Variants in SP3 observed in about 807,000 individuals in gnomAD.
SP3 encodes the protein transcription factor Sp3.
A neutral mutation model predicts 70.3 loss-of-function variants in SP3; 10 were observed. The observed-to-expected ratio is 0.14, with a 90% confidence interval of 0.09 to 0.24. The LOEUF (loss-of-function observed/expected upper bound fraction) is 0.24. SP3 is among the 10% of genes least tolerant of loss of function. The probability of loss-of-function intolerance (pLI) is 1.00; values close to 1 mark genes in which losing one functional copy is unlikely to be tolerated. For missense variants in SP3, 825 were observed against 914.6 expected, an observed-to-expected ratio of 0.90 and a Z score of 1.26; for synonymous variants, 402 against 333.5, an observed-to-expected ratio of 1.21 and a Z score of -2.24.
At position 173,901,826 on chromosome 2, in the gene SP3, C is replaced by A. The variant is rs571398161; in HGVS notation, c.*8115G>T. ...AAGCGATTCTCGTGCCTCAGCCTCC[C>A]GAGTAGCTGGGATTGCAGGCATGCG... On this transcript the variant is annotated 3_prime_UTR_variant, in exon 7 of 7. Transcript: ENST00000310015. Among the ~76,000 whole-genome samples, 28 of 151,840 alleles carry A rather than the reference C, an allele frequency of 1.8e-4. No homozygotes were observed. The South Asian group carries it at 5.8e-3, about 31-fold the overall frequency.
At position 173,942,420 on chromosome 2, in the gene SP3, G is replaced by C. The variant is rs542081325; in HGVS notation, c.1639+12453C>G. Among the ~76,000 whole-genome samples, 65 of 152,272 alleles carry C rather than the reference G, an allele frequency of 4.3e-4. No homozygotes were observed. In the South Asian group the frequency reaches 0.013, roughly 32 times the overall value. On this transcript the variant is annotated intron_variant, in intron 4 of 6. Transcript: ENST00000310015. ...ATCTCTATGAAAAATACAAAAATTA[G>C]CCGAGCGTGGTGGCGCATGCCTGTA...
chr2:173,931,702 T>C (rs1265725125), intron 4 of SP3, among the ~76,000 whole-genome samples: 1 of 152,220 alleles, frequency 6.6e-6, no homozygotes, highest in Non-Finnish European at 1.5e-5. Flanking sequence ...GGATAACTTC[T>C]TGCAGCTTCT....
chr2:173,934,578 C>A (rs1433336121), intron 4 of SP3, among the ~76,000 whole-genome samples: 1 of 152,042 alleles, frequency 6.6e-6, no homozygotes, highest in Non-Finnish European at 1.5e-5. Context: ...TTTATTAACA[C>A]TGTAACAAAA....
intron 4 of SP3, among the ~76,000 whole-genome samples, chr2:173,921,454 C>T (rs187412925): frequency 7.1e-4 from 108 of 152,150 alleles, no homozygotes; most frequent in African/African-American, 2.4e-3. Flanking sequence ...TTTGGGAGAC[C>T]GAAGCGGGAG....
intron 6 of SP3, among the ~76,000 whole-genome samples, chr2:173,911,454 G>T (rs1180071818): frequency 6.6e-6 from 1 of 152,102 alleles, no homozygotes; most frequent in Non-Finnish European, 1.5e-5. Flanking sequence ...CATTAGTCCT[G>T]AGAGGTACTC....
intron 4 of SP3, among the ~76,000 whole-genome samples, chr2:173,933,343 T>C (rs1690119505): frequency 6.6e-6 from 1 of 152,076 alleles, no homozygotes; most frequent in African/African-American, 2.4e-5. Flanking sequence ...TTCGAGTGCT[T>C]AATAGCATCA....
intron 4 of SP3, among the ~76,000 whole-genome samples, chr2:173,926,855 G>T (rs1380178993): frequency 6.6e-6 from 1 of 152,092 alleles, no homozygotes; most frequent in Non-Finnish European, 1.5e-5. Context: ...ATGCTTTTTA[G>T]ATAGTATTGT....
rs546083074 is a variant in SP3 at position 173,937,275 on chromosome 2, A to T, written c.1639+17598T>A. Reference sequence around the variant, plus strand: ...TTATCTGACTTTCCCCTTCATATGCAAGAAAAACCAAGAACACTTCCACTG... The same window carrying T: ...TTATCTGACTTTCCCCTTCATATGCTAGAAAAACCAAGAACACTTCCACTG... On this transcript the variant is annotated intron_variant, in intron 4 of 6. Transcript: ENST00000310015. 2.0e-5 allele frequency among the ~76,000 whole-genome samples: 3 copies of T among 152,324 alleles called. No homozygotes were observed. The South Asian group carries it at 6.2e-4, about 32-fold the overall frequency.
At chr2:173,933,810 T>C (rs1024835491) in intron 4 of SP3, among the ~76,000 whole-genome samples, 14 of 152,060 alleles carry the variant, frequency 9.2e-5, no homozygotes, top group African/African-American at 2.4e-4. Flanking sequence ...GGTAGAGCTA[T>C]ACTACTTGAA....
At chr2:173,942,491 AGGAGGT>A (rs1264839462) in intron 4 of SP3, among the ~76,000 whole-genome samples, 1 of 152,144 alleles carries the variant, frequency 6.6e-6, no homozygotes, top group African/African-American at 2.4e-5. Flanking sequence ...GCTTGAACCC[AGGAGGT>A]GGAAGTTACA....
chr2:173,940,082 G>A (rs1351225859), intron 4 of SP3, among the ~76,000 whole-genome samples: 1 of 151,932 alleles, frequency 6.6e-6, no homozygotes, highest in Non-Finnish European at 1.5e-5. Flanking sequence ...TTGCTTGGTT[G>A]CCCAGACTGG....
At chr2:173,938,053 A>G (rs1690258071) in intron 4 of SP3, among the ~76,000 whole-genome samples, 2 of 152,178 alleles carry the variant, frequency 1.3e-5, no homozygotes, top group Admixed American at 1.3e-4. Flanking sequence ...TGCTTCTCTT[A>G]GTTTCTTCCC....
intron 4 of SP3, among the ~76,000 whole-genome samples, chr2:173,945,269 T>G (rs566988523): frequency 6.6e-6 from 1 of 152,206 alleles, no homozygotes; most frequent in Non-Finnish European, 1.5e-5. Flanking sequence ...TAAGAAAGTA[T>G]AATTTAAAAT....
At chr2:173,928,353 C>G (rs575857424) in intron 4 of SP3, among the ~76,000 whole-genome samples, 1 of 152,280 alleles carries the variant, frequency 6.6e-6, no homozygotes, top group East Asian at 1.9e-4. Context: ...GTTTTATACA[C>G]TGGAGTTCTG....
intron 4 of SP3, among the ~76,000 whole-genome samples, chr2:173,942,118 C>T (rs1435784025): frequency 6.6e-6 from 1 of 152,316 alleles, no homozygotes; most frequent in East Asian, 1.9e-4. Flanking sequence ...AATTCTTAAA[C>T]CAGCTGCACT....
intron 3 of SP3, among the ~76,000 whole-genome samples, chr2:173,959,687 G>T (rs1281417591): frequency 6.6e-6 from 1 of 152,198 alleles, no homozygotes; most frequent in African/African-American, 2.4e-5. Flanking sequence ...CTGGAAGGCG[G>T]AGATTGCAGT....
At chr2:173,964,680 C>A (rs1208907102) in intron 1 of SP3, 127 bp from the exon 2 acceptor site, 2 of 387,936 alleles carry the variant, frequency 5.2e-6, no homozygotes, top group South Asian at 3.9e-5. Flanking sequence ...CCCCCACCCG[C>A]CCCCCGGCGG....
intron 6 of SP3, among the ~76,000 whole-genome samples, chr2:173,910,882 C>T (rs1689462706): frequency 6.6e-6 from 1 of 152,116 alleles, no homozygotes; most frequent in African/African-American, 2.4e-5. Flanking sequence ...TATTTCCCAG[C>T]ATGAATAAAG....
At chr2:173,910,335 G>GTT in intron 6 of SP3, 78 bp from the exon 7 acceptor site, 1 of 1,227,460 alleles carries the variant, frequency 8.1e-7, no homozygotes, top group Non-Finnish European at 1.2e-6. Flanking sequence ...AAAACAGAAA[G>GTT]TAAGTCAACG....
Sources: gnomAD v4.1 joint callset for allele counts (sites outside exome capture counted in the v4.1 genomes callset) on GRCh38, gnomAD v4.1.1 for gene constraint, MANE v1.5 for transcripts, NCBI Gene and HGNC (gene_info 2026-07-23, HGNC 2026-07-21) for gene names.